The following ATF1 variants were observed in gnomAD, a reference collection of about 807,000 sequenced individuals.
ATF1 encodes the protein activating transcription factor 1.
ATF1 carries 16 observed loss-of-function variants against 34.7 expected under a neutral mutation model. The ratio of observed to expected loss-of-function variants is 0.46; its 90% CI spans 0.31 to 0.70. ATF1 has a LOEUF of 0.70. Among genes scored for constraint, ATF1 ranks in the 30% least tolerant of loss-of-function variants. ATF1 has a pLI of 0.05. For missense variants in ATF1, 255 were observed against 321.6 expected, an observed-to-expected ratio of 0.79 and a Z score of 1.58; for synonymous variants, 105 against 113.1, an observed-to-expected ratio of 0.93 and a Z score of 0.46.
intron 3 of ATF1, 61 bp from the exon 4 acceptor site, chr12:50,809,395 A>AT: frequency 8.3e-7 from 1 of 1,197,732 alleles, no homozygotes; most frequent in African/African-American, 1.6e-5. Context: ...AAAAAAAAAA[A>AT]TTATTTTTGT....
At chr12:50,767,870 A>G (rs1592162386) in intron 1 of ATF1, among the ~76,000 whole-genome samples, 1 of 150,106 alleles carries the variant, frequency 6.7e-6, no homozygotes, top group East Asian at 1.9e-4. Context: ...AAGCTTTTGC[A>G]CTTTCTTTTT....
intron 2 of ATF1, among the ~76,000 whole-genome samples, chr12:50,791,544 C>T (rs1015050678): frequency 6.7e-6 from 1 of 150,102 alleles, no homozygotes; most frequent in Non-Finnish European, 1.5e-5. Flanking sequence ...AGGAGTGAAA[C>T]TCAGTCTCAA....
At chr12:50,776,544 A>G (rs974484609) in intron 1 of ATF1, among the ~76,000 whole-genome samples, 1 of 151,324 alleles carries the variant, frequency 6.6e-6, no homozygotes, top group East Asian at 1.9e-4. Context: ...TGGTAAATGG[A>G]TGGACAAATG....
intron 1 of ATF1, among the ~76,000 whole-genome samples, chr12:50,773,704 C>T (rs1023123983): frequency 6.6e-6 from 1 of 152,102 alleles, no homozygotes; most frequent in Non-Finnish European, 1.5e-5. Flanking sequence ...ATTCTCCTGC[C>T]TCAGCCTTCC....
chr12:50,780,568 C>T (rs1314011287), intron 2 of ATF1, among the ~76,000 whole-genome samples: 3 of 151,510 alleles, frequency 2.0e-5, no homozygotes. Flanking sequence ...TGGTCTCGAA[C>T]TCCTGACCGC....
At chr12:50,809,374 A>T (rs1179660379) in intron 3 of ATF1, 82 bp from the exon 4 acceptor site, 18 of 190,004 alleles carry the variant, frequency 9.5e-5, no homozygotes, top group Admixed American at 2.2e-4. Flanking sequence ...ATCTTGTCTC[A>T]AAAAAAAAAA....
At chr12:50,798,221 A>G (rs1030299136) in intron 3 of ATF1, among the ~76,000 whole-genome samples, 1 of 152,114 alleles carries the variant, frequency 6.6e-6, no homozygotes, top group Non-Finnish European at 1.5e-5. Flanking sequence ...TATAAATGTG[A>G]GAAAGTATGG....
intron 3 of ATF1, 126 bp downstream of exon 3, chr12:50,796,135 C>A: frequency 1.3e-6 from 1 of 781,518 alleles, no homozygotes; most frequent in Non-Finnish European, 2.0e-6. Flanking sequence ...GGTTGGCCCT[C>A]GCCTATAATC....
At chr12:50,807,813 G>T (rs11612267) in intron 3 of ATF1, among the ~76,000 whole-genome samples, 2,309 of 125,250 alleles carry the variant, frequency 0.018, 47 homozygotes, top group African/African-American at 0.049. Context: ...TTTTTTTTTT[G>T]TTTTTTTTTT....
At chr12:50,767,192 T>C (rs1461073823) in intron 1 of ATF1, among the ~76,000 whole-genome samples, 1 of 151,402 alleles carries the variant, frequency 6.6e-6, no homozygotes, top group African/African-American at 2.4e-5. Flanking sequence ...GGCTTCTCTC[T>C]CACTGTACAA....
chr12:50,814,326 A>T lies in ATF1; in HGVS notation c.558A>T (p.Ser186=). The T allele has an allele frequency of 6.2e-7, 1 of 1,614,204 alleles. No individual in the cohort carries two copies. The highest frequency in any genetic ancestry group is 8.5e-7 in the Non-Finnish European group (1 of 1,180,022). The part of the protein sequence containing the change: ...MQTYQIRTTP[S]ATSLPQTVVM... ...CATATCAGATCCGAACTACACCTTCAGCTACTTCTCTGCCACAAACTGTGG... is the reference window on the plus strand; with the variant it reads ...CATATCAGATCCGAACTACACCTTCTGCTACTTCTCTGCCACAAACTGTGG... The change falls in exon 6 of 7, where the codon TCA becomes TCT. Residue 186 remains serine, a synonymous_variant. Coordinates refer to ENST00000262053, the MANE Select transcript of ATF1 (RefSeq NM_005171.5).
intron 4 of ATF1, among the ~76,000 whole-genome samples, chr12:50,811,127 C>A (rs751809345): frequency 6.6e-6 from 1 of 152,162 alleles, no homozygotes; most frequent in South Asian, 2.1e-4. Flanking sequence ...ATTGCTCATG[C>A]CTGGCATGTT....
At chr12:50,785,284 TACACAC>T (rs56040362) in intron 2 of ATF1, among the ~76,000 whole-genome samples, 8,049 of 128,288 alleles carry the variant, frequency 0.063, 412 homozygotes, top group African/African-American at 0.13. Context: ...TATATATACA[TACACAC>T]ACACACACAC....
rs375526478 is a variant in ATF1, at chr12:50,771,173, CTT to C, written c.-7+6869_-7+6870del. 1.2e-4 allele frequency among the ~76,000 whole-genome samples: 18 copies of C among 152,026 alleles called. No homozygotes were observed. In the South Asian group the frequency reaches 2.5e-3, roughly 21 times the overall value. ...GGCACACATCACAACGCCCAGCTGA[CTT>C]TTATATTTTTAGTAGAGATAGGGTT... On this transcript the variant is annotated intron_variant, in intron 1 of 6. Coordinates refer to ENST00000262053, the MANE Select transcript of ATF1 (RefSeq NM_005171.5).
At chr12:50,765,977 C>T (rs1331043136) in intron 1 of ATF1, among the ~76,000 whole-genome samples, 1 of 152,144 alleles carries the variant, frequency 6.6e-6, no homozygotes, top group African/African-American at 2.4e-5. Context: ...CCTTTACTTT[C>T]TTCATAATGT....
rs185502109 is a variant in ATF1 at position 50,771,731 on chromosome 12, A to C, written c.-7+7424A>C. 2.0e-5 allele frequency among the ~76,000 whole-genome samples: 3 copies of C among 152,310 alleles called. No individual in the cohort carries two copies. In the East Asian group the frequency reaches 5.8e-4, roughly 29 times the overall value. The stretch of plus-strand genomic sequence containing the variant: ...AAGTCACGGGATGAGATAGGAGGTC[A>C]GCACAAAATACAGGTCATAAAGACC... On this transcript the variant is annotated intron_variant, in intron 1 of 6. Transcript: ENST00000262053.
chr12:50,763,794 A>G (rs2139627006), upstream of ATF1: 1 of 152,334 alleles, frequency 6.6e-6, no homozygotes, highest in Admixed American at 6.5e-5. Context: ...GCGAGCACCC[A>G]GCTGCTCATG....
chr12:50,771,087 C>T (rs1415042118), intron 1 of ATF1, among the ~76,000 whole-genome samples: 1 of 152,046 alleles, frequency 6.6e-6, no homozygotes, highest in Non-Finnish European at 1.5e-5. Context: ...CTCACTGCAG[C>T]CTCCGCCTCC....
Position 50,814,124 on chromosome 12 carries a change from T to C in ATF1, c.443T>C (p.Ile148Thr), listed in dbSNP as rs778986515. The C allele has an allele frequency of 3.7e-5, 59 of 1,614,100 alleles. 1 individual carries two copies. The Admixed American group carries it at 9.8e-4, about 27-fold the overall frequency. The part of the protein sequence containing the change: ...NSGSTQQGTT[I>T]LQYAQTSDGQ... ...GGCAGTACTCAGCAAGGTACAACTA[T>C]TCTTCAGTATGCACAGACCTCTGAT... Residue 148 changes from isoleucine (I) to threonine (T), a missense_variant, in exon 5 of 7, where the codon ATT becomes ACT. Transcript: ENST00000262053.
Sources: gnomAD v4.1 joint callset for allele counts (sites outside exome capture counted in the v4.1 genomes callset) on GRCh38, gnomAD v4.1.1 for gene constraint, MANE v1.5 for transcripts, NCBI Gene and HGNC (gene_info 2026-07-23, HGNC 2026-07-21) for gene names.